The following PCLO variants were observed in gnomAD, a reference collection of about 807,000 sequenced individuals.
The protein encoded by PCLO is piccolo presynaptic cytomatrix protein, also known as protein piccolo.
PCLO carries 82 observed loss-of-function variants against 427.5 expected under a neutral mutation model. The ratio of observed to expected loss-of-function variants is 0.19; its 90% CI spans 0.16 to 0.23. The LOEUF (loss-of-function observed/expected upper bound fraction) is 0.23. Ranked by LOEUF, PCLO falls within the 10% of genes least tolerant of loss-of-function variation. PCLO has a pLI of 1.00. For missense variants in PCLO, 6,239 were observed against 6,115.9 expected (o/e 1.02, Z -0.67); for synonymous variants, 2,357 against 2,155.4 (o/e 1.09, Z -2.59).
chr7:82,975,604 G>C (rs1017368916), intron 3 of PCLO, among the ~76,000 whole-genome samples: 1 of 152,060 alleles, frequency 6.6e-6, no homozygotes, highest in Non-Finnish European at 1.5e-5. Flanking sequence ...GATTCTGCAG[G>C]GTGTAAACTT....
chr7:82,934,609 T>A (rs1212458649), intron 6 of PCLO, among the ~76,000 whole-genome samples: 1 of 151,758 alleles, frequency 6.6e-6, no homozygotes, highest in African/African-American at 2.4e-5. Flanking sequence ...AGCTTTCCAA[T>A]TCTACAGTAT....
At chr7:82,996,015 T>C (rs1214997161) in intron 3 of PCLO, among the ~76,000 whole-genome samples, 1 of 151,866 alleles carries the variant, frequency 6.6e-6, no homozygotes, top group Non-Finnish European at 1.5e-5. Flanking sequence ...TTAGAATAGG[T>C]TCTATTTTTT....
Position 82,847,188 on chromosome 7 carries a change from G to C in PCLO, c.13714C>G (p.Gln4572Glu). ...CCACTTTGCTGACTAATGATACTCT[G>C]AACTTCTTCATATGTTTTAGAAGTC... ...PLTSKTYEEVQSIISQQSGEA... is the reference protein window; with the variant it reads ...PLTSKTYEEVESIISQQSGEA... Residue 4572 changes from glutamine (Q) to glutamate (E), a missense_variant, in exon 11 of 25, where the codon CAG becomes GAG. Coordinates refer to ENST00000333891, the MANE Select transcript of PCLO (RefSeq NM_033026.6). 3 of 1,606,070 alleles carry C rather than the reference G, an allele frequency of 1.9e-6. No individual in the cohort carries two copies. Among genetic ancestry groups the C allele is most frequent in the Non-Finnish European group, 2.6e-6 (3 of 1,175,646 alleles).
chr7:83,082,246 G>A (rs937402013), intron 3 of PCLO, among the ~76,000 whole-genome samples: 3 of 151,252 alleles, frequency 2.0e-5, no homozygotes, highest in Non-Finnish European at 4.4e-5. Context: ...TTTTATTTTT[G>A]ACTTATAATA....
intron 3 of PCLO, among the ~76,000 whole-genome samples, chr7:83,051,019 G>A (rs151204430): frequency 3.3e-5 from 5 of 152,092 alleles, no homozygotes; most frequent in East Asian, 3.9e-4. Flanking sequence ...ACACCAATCC[G>A]TGATACAAAA....
intron 22 of PCLO, among the ~76,000 whole-genome samples, chr7:82,761,746 A>C: frequency 6.7e-6 from 1 of 149,692 alleles, no homozygotes; most frequent in Non-Finnish European, 1.5e-5. Context: ...AATAAAATAC[A>C]GTCCATGCCC....
chr7:82,931,819 G>C (rs1183756183), intron 6 of PCLO, among the ~76,000 whole-genome samples: 1 of 152,032 alleles, frequency 6.6e-6, no homozygotes, highest in African/African-American at 2.4e-5. Context: ...AAGTTATTAA[G>C]TCCAGCCCTC....
At chr7:83,116,772 T>C (rs187169623) in intron 3 of PCLO, among the ~76,000 whole-genome samples, 1 of 152,174 alleles carries the variant, frequency 6.6e-6, no homozygotes, top group Non-Finnish European at 1.5e-5. Flanking sequence ...TTAACTAACA[T>C]CTCCTCAACT....
At chr7:82,977,295 T>C (rs1796038585) in intron 3 of PCLO, among the ~76,000 whole-genome samples, 2 of 151,808 alleles carry the variant, frequency 1.3e-5, no homozygotes, top group African/African-American at 4.8e-5. Context: ...TTTTGTATAT[T>C]TTTGAACAAT....
intron 6 of PCLO, among the ~76,000 whole-genome samples, chr7:82,931,384 A>C (rs1794837382): frequency 6.6e-6 from 1 of 152,118 alleles, no homozygotes; most frequent in African/African-American, 2.4e-5. Flanking sequence ...ATAACAAATC[A>C]CCTCAAAATT....
intron 2 of PCLO, among the ~76,000 whole-genome samples, chr7:83,136,549 T>C (rs954755764): frequency 6.6e-6 from 1 of 152,160 alleles, no homozygotes. Flanking sequence ...AAAATACAAA[T>C]TGTTAACAAT....
At chr7:82,859,174 G>A (rs191139080) in intron 10 of PCLO, among the ~76,000 whole-genome samples, 432 of 114,680 alleles carry the variant, frequency 3.8e-3, no homozygotes, top group Non-Finnish European at 6.7e-3. Flanking sequence ...GGGCCTGGTG[G>A]ACCTCACCAC....
chr7:82,836,984 T>C (rs1188807103), intron 15 of PCLO, among the ~76,000 whole-genome samples: 2 of 152,128 alleles, frequency 1.3e-5, no homozygotes, highest in African/African-American at 4.8e-5. Flanking sequence ...GAAGGGAATA[T>C]GTAATTTGCT....
chr7:83,101,494 A>G (rs1339280350), intron 3 of PCLO, among the ~76,000 whole-genome samples: 10 of 152,136 alleles, frequency 6.6e-5, no homozygotes, highest in African/African-American at 2.2e-4. Flanking sequence ...GAAAGAATAA[A>G]AACGGATAGA....
intron 10 of PCLO, among the ~76,000 whole-genome samples, chr7:82,852,189 T>G (rs1430105360): frequency 1.3e-5 from 2 of 152,130 alleles, no homozygotes; most frequent in Non-Finnish European, 2.9e-5. Flanking sequence ...AGGGTATATT[T>G]TCCTGAGTAT....
At chr7:82,928,504 C>T (rs892042404) in intron 6 of PCLO, among the ~76,000 whole-genome samples, 1 of 152,046 alleles carries the variant, frequency 6.6e-6, no homozygotes, top group Non-Finnish European at 1.5e-5. Flanking sequence ...CCTTAGCCTC[C>T]CGAGTAGCTG....
intron 3 of PCLO, among the ~76,000 whole-genome samples, chr7:83,059,359 T>A (rs117603271): frequency 0.029 from 3,204 of 110,640 alleles, 135 homozygotes; most frequent in African/African-American, 0.12. Flanking sequence ...ACCTTTAAAA[T>A]ATATATATAT....
chr7:82,856,630 T>C (rs551417838), intron 10 of PCLO, among the ~76,000 whole-genome samples: 58 of 152,304 alleles, frequency 3.8e-4, no homozygotes, highest in Middle Eastern at 3.4e-3. Context: ...ATAATAGATA[T>C]GTAATGTCAT....
intron 3 of PCLO, among the ~76,000 whole-genome samples, chr7:82,998,112 C>T (rs1352540714): frequency 6.6e-6 from 1 of 151,932 alleles, no homozygotes; most frequent in African/African-American, 2.4e-5. Flanking sequence ...AGAAGCAAAA[C>T]CTTCTACGGA....
Sources: gnomAD v4.1 joint callset for allele counts (sites outside exome capture counted in the v4.1 genomes callset) on GRCh38, gnomAD v4.1.1 for gene constraint, MANE v1.5 for transcripts, NCBI Gene and HGNC (gene_info 2026-07-23, HGNC 2026-07-21) for gene names.